The following PARD3B variants were observed in gnomAD, a reference collection of about 807,000 sequenced individuals.
PARD3B encodes partitioning defective 3 homolog B.
In PARD3B, 103 loss-of-function variants were observed where a neutral mutation model predicts 130.2. The ratio of observed to expected loss-of-function variants is 0.79; its 90% confidence interval spans 0.67 to 0.93. The LOEUF (loss-of-function observed/expected upper bound fraction) is 0.93. Among genes scored for constraint, PARD3B ranks in the 40% least tolerant of loss-of-function variants. PARD3B has a pLI of 0.00. For synonymous variants in PARD3B, 583 were observed against 553.2 expected (o/e 1.05, Z -0.76); for missense variants, 1,609 against 1,499.2 (o/e 1.07, Z -1.21).
intron 3 of PARD3B, among the ~76,000 whole-genome samples, chr2:204,972,741 C>T (rs1308817967): frequency 6.6e-6 from 1 of 152,126 alleles, no homozygotes; most frequent in African/African-American, 2.4e-5. Flanking sequence ...CACCATCTCC[C>T]CTTTGGCCTC....
intron 20 of PARD3B, among the ~76,000 whole-genome samples, chr2:205,465,362 A>G (rs1559119305): frequency 6.6e-6 from 1 of 152,136 alleles, no homozygotes; most frequent in Non-Finnish European, 1.5e-5. Context: ...AGGGTAAGGA[A>G]CTGGCGCGAT....
chr2:204,572,579 TAAAAG>T (rs2032059584), intron 1 of PARD3B, among the ~76,000 whole-genome samples: 1 of 152,164 alleles, frequency 6.6e-6, no homozygotes, highest in Admixed American at 6.5e-5. Context: ...ATAAGCCAAT[TAAAAG>T]AGATGTCTAG....
intron 15 of PARD3B, among the ~76,000 whole-genome samples, chr2:205,195,155 G>GAA (rs1485567165): frequency 6.6e-6 from 1 of 152,000 alleles, no homozygotes; most frequent in Non-Finnish European, 1.5e-5. Context: ...CTTCTAAACT[G>GAA]AAATAGTCCT....
chr2:205,275,524 A>C (rs982225278), intron 16 of PARD3B, among the ~76,000 whole-genome samples: 3 of 152,166 alleles, frequency 2.0e-5, no homozygotes, highest in Non-Finnish European at 4.4e-5. Context: ...TTATCTATTG[A>C]AAATCAAGAG....
chr2:205,139,548 G>T (rs1447123916), intron 10 of PARD3B, among the ~76,000 whole-genome samples: 1 of 152,054 alleles, frequency 6.6e-6, no homozygotes, highest in Non-Finnish European at 1.5e-5. Flanking sequence ...AAGTATTAAT[G>T]CAATTATTAA....
chr2:205,082,364 T>C (rs1200923468), intron 4 of PARD3B, among the ~76,000 whole-genome samples: 1 of 152,138 alleles, frequency 6.6e-6, no homozygotes, highest in Non-Finnish European at 1.5e-5. Flanking sequence ...TTATGCACAG[T>C]AAGATTAACA....
At chr2:204,627,860 T>A (rs936271658) in intron 1 of PARD3B, among the ~76,000 whole-genome samples, 3 of 152,174 alleles carry the variant, frequency 2.0e-5, no homozygotes, top group African/African-American at 7.2e-5. Context: ...TTTTGAAAAC[T>A]CTGACATTTG....
At chr2:205,118,773 G>A in intron 6 of PARD3B, 148 bp from the exon 7 acceptor site, 1 of 592,856 alleles carries the variant, frequency 1.7e-6, no homozygotes, top group Non-Finnish European at 2.6e-6. Context: ...TTTGGATTAG[G>A]GATTAAAATA....
chr2:204,602,087 G>C (rs1251399267), intron 1 of PARD3B, among the ~76,000 whole-genome samples: 1 of 151,956 alleles, frequency 6.6e-6, no homozygotes, highest in Admixed American at 6.6e-5. Flanking sequence ...TGAAGAATGA[G>C]ACAAAATACA....
In PARD3B at chr2:205,431,283, G is replaced by A. The variant is rs147962782; in HGVS notation, c.2742-9087G>A. On this transcript the variant is annotated intron_variant, in intron 19 of 22. Coordinates refer to ENST00000406610, the MANE Select transcript of PARD3B (RefSeq NM_001302769.2). ...GTAGAGATGGGGTTTCACCATGTTG[G>A]CCAGGCTGGTCTTGAACTCCTGACC... is the stretch of plus-strand genomic sequence containing the variant. 5.1e-3 allele frequency among the ~76,000 whole-genome samples: 777 copies of A among 152,160 alleles called. 2 individuals carry two copies. The highest frequency in any genetic ancestry group is 0.015 in the South Asian group (71 of 4,806).
rs1403785695 is a variant in PARD3B, at chr2:205,175,784, CT to C, written c.1792-659del. Among the ~76,000 whole-genome samples, 4 of 152,316 alleles carry C rather than the reference CT, an allele frequency of 2.6e-5. No homozygotes were observed. In the East Asian group the frequency reaches 7.7e-4, roughly 29 times the overall value. On this transcript the variant is annotated intron_variant, in intron 12 of 22. Transcript: ENST00000406610. The stretch of plus-strand genomic sequence containing the variant: ...CATCAGCCTCCTCCAATAATTCCTT[CT>C]TCAGCACCTGTGGAAGATGGATCGT...
At chr2:204,554,364 A>C (rs2030767448) in intron 1 of PARD3B, among the ~76,000 whole-genome samples, 1 of 152,074 alleles carries the variant, frequency 6.6e-6, no homozygotes, top group South Asian at 2.1e-4. Context: ...CATGCCCCCA[A>C]ATGAATTCCT....
At chr2:204,595,794 A>G (rs2033261854) in intron 1 of PARD3B, among the ~76,000 whole-genome samples, 1 of 152,228 alleles carries the variant, frequency 6.6e-6, no homozygotes, top group Admixed American at 6.5e-5. Flanking sequence ...TTTTGTAATA[A>G]ATTGAGCCTT....
intron 1 of PARD3B, among the ~76,000 whole-genome samples, chr2:204,625,537 T>C (rs2125132836): frequency 6.6e-6 from 1 of 152,318 alleles, no homozygotes; most frequent in East Asian, 1.9e-4. Flanking sequence ...AGAAATTAAA[T>C]AAAATACATG....
chr2:205,044,123 A>G (rs1395681057), intron 3 of PARD3B, among the ~76,000 whole-genome samples: 2 of 152,034 alleles, frequency 1.3e-5, no homozygotes, highest in Non-Finnish European at 1.5e-5. Context: ...ATGTCCCTAC[A>G]AAGGACATGA....
chr2:205,061,018 G>A (rs768020146), intron 4 of PARD3B, among the ~76,000 whole-genome samples: 29 of 152,168 alleles, frequency 1.9e-4, no homozygotes, highest in African/African-American at 5.1e-4. Context: ...GTTGTGCATC[G>A]GATATCGTTA....
chr2:204,859,734 C>T (rs768922197), intron 2 of PARD3B, among the ~76,000 whole-genome samples: 2 of 152,024 alleles, frequency 1.3e-5, no homozygotes, highest in African/African-American at 2.4e-5. Context: ...GTGATGGAGA[C>T]GTAAGATAAA....
At chr2:205,113,935 A>G (rs1456003623) in intron 6 of PARD3B, among the ~76,000 whole-genome samples, 2 of 152,144 alleles carry the variant, frequency 1.3e-5, no homozygotes, top group Non-Finnish European at 1.5e-5. Context: ...TACTTCAACA[A>G]GTGAGTATAA....
At chr2:204,780,161 A>G (rs566156190) in intron 2 of PARD3B, among the ~76,000 whole-genome samples, 2 of 152,322 alleles carry the variant, frequency 1.3e-5, no homozygotes, top group African/African-American at 4.8e-5. Flanking sequence ...TGTTCAGTAC[A>G]TTATGAAATT....
Sources: allele counts gnomAD v4.1 joint callset (sites outside exome capture counted in the v4.1 genomes callset), GRCh38; gene constraint gnomAD v4.1.1; transcripts MANE v1.5; gene names NCBI Gene and HGNC (gene_info 2026-07-23, HGNC 2026-07-21).